LRRTM4: variants seen among roughly 807,000 people sequenced by gnomAD.
The protein encoded by LRRTM4 is leucine-rich repeat transmembrane neuronal protein 4.
A neutral mutation model predicts 47.6 loss-of-function variants in LRRTM4; 25 were observed. The observed-to-expected ratio is 0.53, with a 90% CI of 0.38 to 0.73. The LOEUF (loss-of-function observed/expected upper bound fraction) is 0.73. Ranked by LOEUF, LRRTM4 falls within the 30% of genes least tolerant of loss-of-function variation. The pLI, the probability that LRRTM4 is intolerant of heterozygous loss-of-function variation, is 0.00. For synonymous variants in LRRTM4, 311 were observed against 269.5 expected (o/e 1.15, Z -1.51); for missense variants, 638 against 713.4 (o/e 0.89, Z 1.20).
chr2:77,462,600 G>T (rs1349798367), intron 3 of LRRTM4, among the ~76,000 whole-genome samples: 1 of 136,404 alleles, frequency 7.3e-6, no homozygotes, highest in Non-Finnish European at 1.6e-5. Flanking sequence ...TGGCTCACCA[G>T]GAAAAAATAA....
chr2:77,075,914 CA>C (rs61718845), intron 3 of LRRTM4, among the ~76,000 whole-genome samples: 319 of 36,832 alleles, frequency 8.7e-3, no homozygotes, highest in African/African-American at 0.013. Context: ...GACTCCGTCT[CA>C]AAAAAAAAAA....
At chr2:76,910,633 T>G (rs923575940) in intron 3 of LRRTM4, among the ~76,000 whole-genome samples, 5 of 152,242 alleles carry the variant, frequency 3.3e-5, no homozygotes, top group African/African-American at 1.2e-4. Context: ...TATTAAATTT[T>G]TTATTCACGA....
chr2:76,893,906 GAA>G (rs1438294134), intron 3 of LRRTM4, among the ~76,000 whole-genome samples: 2 of 151,830 alleles, frequency 1.3e-5, no homozygotes, highest in African/African-American at 2.4e-5. Context: ...AACATCAGGA[GAA>G]AGTCACTTTT....
intron 3 of LRRTM4, among the ~76,000 whole-genome samples, chr2:76,946,874 A>G (rs1353378523): frequency 1.3e-5 from 2 of 151,872 alleles, no homozygotes; most frequent in African/African-American, 4.8e-5. Context: ...TTTATGCGCC[A>G]TTATTTGAAA....
At chr2:77,466,163 T>C (rs1676975053) in intron 3 of LRRTM4, among the ~76,000 whole-genome samples, 1 of 152,196 alleles carries the variant, frequency 6.6e-6, no homozygotes, top group Admixed American at 6.5e-5. Flanking sequence ...CGGCAGAGTT[T>C]CAATTCTGAA....
intron 3 of LRRTM4, among the ~76,000 whole-genome samples, chr2:77,492,822 A>G (rs1034567088): frequency 1.3e-5 from 2 of 152,112 alleles, no homozygotes; most frequent in Non-Finnish European, 2.9e-5. Context: ...TATCATTAGG[A>G]TAGTTAATGT....
chr2:77,029,038 C>CAT (rs1386100303), intron 3 of LRRTM4, among the ~76,000 whole-genome samples: 1 of 129,996 alleles, frequency 7.7e-6, no homozygotes, highest in Non-Finnish European at 1.6e-5. Context: ...CCATCACACA[C>CAT]ACACACACAC....
chr2:77,030,102 C>T (rs1228868526), intron 3 of LRRTM4, among the ~76,000 whole-genome samples: 1 of 152,078 alleles, frequency 6.6e-6, no homozygotes, highest in Non-Finnish European at 1.5e-5. Context: ...ACACAAGTTC[C>T]AATTATCACA....
intron 3 of LRRTM4, among the ~76,000 whole-genome samples, chr2:76,799,131 T>A (rs866864279): frequency 1.4e-5 from 2 of 143,896 alleles, no homozygotes; most frequent in South Asian, 2.3e-4. Context: ...TACCAAAGCC[T>A]GGCAGAGACA....
At chr2:77,160,026 T>G (rs1177774777) in intron 3 of LRRTM4, among the ~76,000 whole-genome samples, 1 of 152,196 alleles carries the variant, frequency 6.6e-6, no homozygotes, top group African/African-American at 2.4e-5. Context: ...CAAGTCATCT[T>G]CCATTAATCA....
intron 3 of LRRTM4, among the ~76,000 whole-genome samples, chr2:77,134,671 A>G (rs549209378): frequency 6.6e-6 from 1 of 152,180 alleles, no homozygotes; most frequent in Non-Finnish European, 1.5e-5. Flanking sequence ...TTTCCTGTCT[A>G]TTGTTTCTGT....
chr2:77,170,137 G>T (rs982725063), intron 3 of LRRTM4, among the ~76,000 whole-genome samples: 2 of 152,050 alleles, frequency 1.3e-5, no homozygotes, highest in East Asian at 1.9e-4. Context: ...TTAGGGTTAG[G>T]GTGTTAGAGA....
intron 3 of LRRTM4, among the ~76,000 whole-genome samples, chr2:76,979,088 T>C (rs1038143265): frequency 5.3e-5 from 8 of 152,004 alleles, no homozygotes; most frequent in African/African-American, 1.9e-4. Flanking sequence ...TCAATGAGGA[T>C]ACCTTGCCCA....
chr2:77,343,571 T>C (rs965519329), intron 3 of LRRTM4, among the ~76,000 whole-genome samples: 6 of 151,786 alleles, frequency 4.0e-5, no homozygotes, highest in Non-Finnish European at 7.4e-5. Context: ...TTCCAAAAAA[T>C]ATTTTTAAAA....
intron 3 of LRRTM4, among the ~76,000 whole-genome samples, chr2:77,010,142 G>A (rs1032606983): frequency 6.6e-6 from 1 of 151,790 alleles, no homozygotes; most frequent in Admixed American, 6.6e-5. Context: ...TTTGTGGTGA[G>A]AACACTTAAA....
At chr2:77,290,703 TA>T (rs1676799285) in intron 3 of LRRTM4, among the ~76,000 whole-genome samples, 1 of 152,058 alleles carries the variant, frequency 6.6e-6, no homozygotes, top group African/African-American at 2.4e-5. Context: ...ATGAAAATTT[TA>T]AAAAATTAAG....
intron 3 of LRRTM4, among the ~76,000 whole-genome samples, chr2:77,196,568 A>G (rs1163313519): frequency 6.6e-6 from 1 of 152,104 alleles, no homozygotes; most frequent in Non-Finnish European, 1.5e-5. Context: ...ATATGGCGAA[A>G]CCTCACCTTT....
chr2:77,214,476 A>G lies in LRRTM4; in HGVS notation c.1551+303842T>C, dbSNP rs1674382431. Among the ~76,000 whole-genome samples, 3 of 152,180 alleles carry G rather than the reference A, an allele frequency of 2.0e-5. No homozygotes were observed. The South Asian group carries it at 6.2e-4, about 32-fold the overall frequency. On this transcript the variant is annotated intron_variant, in intron 3 of 3. Transcript: ENST00000409884. ...TTATTAGTTTGTCTTCAGTGCAGTGATAATTATTCTGTACAATGGCAGAAC... is the reference window on the plus strand; with the variant it reads ...TTATTAGTTTGTCTTCAGTGCAGTGGTAATTATTCTGTACAATGGCAGAAC...
chr2:76,854,370 A>G (rs1672086172), intron 3 of LRRTM4, among the ~76,000 whole-genome samples: 1 of 152,138 alleles, frequency 6.6e-6, no homozygotes, highest in Admixed American at 6.6e-5. Context: ...TAAATGTATA[A>G]ATCATTAAAT....
Sources: gnomAD v4.1 joint callset for allele counts (sites outside exome capture counted in the v4.1 genomes callset) on GRCh38, gnomAD v4.1.1 for gene constraint, MANE v1.5 for transcripts, NCBI Gene and HGNC (gene_info 2026-07-23, HGNC 2026-07-21) for gene names.